Variants in PNPLA1 observed in about 807,000 individuals in gnomAD.
The protein encoded by PNPLA1 is patatin like domain 1, omega-hydroxyceramide transacylase, also known as omega-hydroxyceramide transacylase.
In PNPLA1, 36 loss-of-function variants were observed where a neutral mutation model predicts 51.7. That is an observed-to-expected ratio of 0.70 (90% confidence interval 0.53 to 0.92). PNPLA1 has a LOEUF of 0.92. Ranked by LOEUF, PNPLA1 falls within the 40% of genes least tolerant of loss-of-function variation. PNPLA1 has a pLI of 0.00. For missense variants in PNPLA1, 658 were observed against 682.5 expected (o/e 0.96, Z 0.40); for synonymous variants, 293 against 280.1 (o/e 1.05, Z -0.46).
intron 1 of PNPLA1, among the ~76,000 whole-genome samples, chr6:36,282,100 G>GAAAGAAAAA (rs1770317725): frequency 2.6e-5 from 1 of 39,016 alleles, no homozygotes; most frequent in Non-Finnish European, 5.4e-5. Flanking sequence ...AAGGAAGGAA[G>GAAAGAAAAA]GAAGGAAGGA....
chr6:36,291,592 C>CCCCGGGGGGGGGG, intron 2 of PNPLA1, 40 bp downstream of exon 2: 7 of 105,200 alleles, frequency 6.7e-5, no homozygotes, highest in East Asian at 2.3e-4. Flanking sequence ...ACGGAGGGGG[C>CCCCGGGGGGGGGG]GGGGGAGGGC....
chr6:36,300,460 CT>C (rs1561869952), intron 5 of PNPLA1, among the ~76,000 whole-genome samples: 1 of 152,242 alleles, frequency 6.6e-6, no homozygotes. Flanking sequence ...TCCCAAAGTG[CT>C]GGGATTACAG....
intron 5 of PNPLA1, among the ~76,000 whole-genome samples, chr6:36,297,196 C>T (rs1399740669): frequency 6.6e-5 from 10 of 152,202 alleles, no homozygotes; most frequent in Admixed American, 6.5e-4. Flanking sequence ...GATACAACTC[C>T]TAAAGGAGAA....
chr6:36,248,694 C>G (rs1226064822), intron 1 of PNPLA1, among the ~76,000 whole-genome samples: 2 of 152,032 alleles, frequency 1.3e-5, no homozygotes, highest in South Asian at 4.2e-4. Flanking sequence ...AATTTTTGTA[C>G]TTTTAGCAGA....
chr6:36,307,032 C>T (rs1771259173), intron 7 of PNPLA1, among the ~76,000 whole-genome samples: 1 of 152,192 alleles, frequency 6.6e-6, no homozygotes, highest in African/African-American at 2.4e-5. Context: ...GGGGGAGGCA[C>T]AGCAGGAGAT....
intron 1 of PNPLA1, among the ~76,000 whole-genome samples, chr6:36,280,150 A>G (rs997321958): frequency 6.6e-6 from 1 of 152,202 alleles, no homozygotes; most frequent in Non-Finnish European, 1.5e-5. Flanking sequence ...CGGTTGCAGT[A>G]AACCAATATT....
chr6:36,277,067 T>C (rs1008446957), intron 1 of PNPLA1, among the ~76,000 whole-genome samples: 1 of 152,086 alleles, frequency 6.6e-6, no homozygotes, highest in East Asian at 1.9e-4. Context: ...GTTGGACAGG[T>C]AGAGACAGGT....
chr6:36,307,545 G>A (rs41270096), intron 7 of PNPLA1, 42 bp from the exon 8 acceptor site: 24,792 of 1,604,446 alleles, frequency 0.015, 248 homozygotes, highest in Non-Finnish European at 0.018. Context: ...GAGGACCGAG[G>A]TCAGGCCCAT....
chr6:36,310,521 C>G (rs919022935), intron 8 of PNPLA1, among the ~76,000 whole-genome samples: 7 of 152,298 alleles, frequency 4.6e-5, no homozygotes, highest in East Asian at 1.9e-4. Flanking sequence ...ATAAAAGATC[C>G]TTTTCTTTGA....
rs759813381 is a variant in PNPLA1 at position 36,308,554 on chromosome 6, C to T, written c.1595+842C>T. The T allele has an allele frequency of 1.3e-5, 2 of 152,140 alleles. No homozygotes were observed. The highest frequency in any genetic ancestry group is 2.9e-5 in the Non-Finnish European group (2 of 68,026). The allele number at this position is 152,140 out of a possible 1,614,324, so 9.4% of individuals were successfully genotyped here. ...TTGAGCACCTACTAAGTGCCAAACA[C>T]TCTCCTGGACTCTGGCAAAATAAAA... On this transcript the variant is annotated intron_variant, in intron 8 of 8. Coordinates refer to ENST00000636260, the MANE Select transcript of PNPLA1 (RefSeq NM_001374623.1).
upstream of PNPLA1, among the ~76,000 whole-genome samples, chr6:36,269,479 T>A (rs1769844086): frequency 6.6e-6 from 1 of 152,160 alleles, no homozygotes; most frequent in African/African-American, 2.4e-5. Flanking sequence ...CAGCTGCTCC[T>A]CCTTGGGGTT....
intron 1 of PNPLA1, among the ~76,000 whole-genome samples, chr6:36,283,330 T>G (rs759288310): frequency 6.6e-5 from 10 of 152,374 alleles, no homozygotes; most frequent in Non-Finnish European, 1.3e-4. Context: ...TTTGCTTCAC[T>G]TTGGGCTCAA....
At chr6:36,299,492 G>A (rs1318713937) in intron 5 of PNPLA1, among the ~76,000 whole-genome samples, 3 of 151,788 alleles carry the variant, frequency 2.0e-5, no homozygotes, top group African/African-American at 7.3e-5. Context: ...CCGCTACCAC[G>A]CCCAGCTAAT....
intron 1 of PNPLA1, among the ~76,000 whole-genome samples, chr6:36,245,855 G>A (rs1019312297): frequency 1.3e-5 from 2 of 152,092 alleles, no homozygotes; most frequent in Non-Finnish European, 2.9e-5. Flanking sequence ...CTGACTCCCC[G>A]CACAGTTTCA....
intron 1 of PNPLA1, among the ~76,000 whole-genome samples, chr6:36,263,778 G>A (rs540048632): frequency 9.9e-5 from 15 of 152,262 alleles, no homozygotes; most frequent in Admixed American, 2.0e-4. Context: ...GGGCAGCGGC[G>A]CCTCTCATAT....
chr6:36,302,343 C>T lies in PNPLA1; in HGVS notation c.1258C>T (p.Pro420Ser), dbSNP rs746200190. The T allele has an allele frequency of 6.2e-7, 1 of 1,613,124 alleles. No homozygotes were observed. Among genetic ancestry groups the T allele is most frequent in the African/African-American group, 1.3e-5 (1 of 75,048 alleles). The change falls in exon 6 of 9, where the codon CCC (proline) becomes TCC (serine). Residue 420 changes from proline to serine, a missense_variant. By Grantham distance (74) the Pro-to-Ser change is moderately conservative. Coordinates refer to ENST00000636260, the MANE Select transcript of PNPLA1 (RefSeq NM_001374623.1). The stretch of plus-strand genomic sequence containing the variant: ...AGCCAGATCCCTACACTCTCAGGCA[C>T]CCACTTCACCCAGGCCATCCCTGGG... ...SPARSLHSQA[P>S]TSPRPSLGPS...
At chr6:36,293,167 G>A (rs1234265210) in intron 3 of PNPLA1, 41 bp downstream of exon 3, 34 of 1,589,862 alleles carry the variant, frequency 2.1e-5, no homozygotes, top group Non-Finnish European at 2.9e-5. Context: ...TGGGATCCAA[G>A]GGACCTCGGG....
At position 36,273,877 on chromosome 6, in the gene PNPLA1, G is replaced by A. The variant is rs186605981; in HGVS notation, c.205+3213G>A. 1.4e-4 allele frequency among the ~76,000 whole-genome samples: 22 copies of A among 152,204 alleles called. No homozygotes were observed. In the East Asian group the frequency reaches 3.5e-3, roughly 24 times the overall value. On this transcript the variant is annotated intron_variant, in intron 1 of 8. Coordinates refer to ENST00000636260, the MANE Select transcript of PNPLA1 (RefSeq NM_001374623.1). Reference sequence around the variant, plus strand: ...ACGGCAGTGGTAGGAACTAAAACCTGTAAAAAGGACATCAAGCAGTGGGGT... The same window carrying A: ...ACGGCAGTGGTAGGAACTAAAACCTATAAAAAGGACATCAAGCAGTGGGGT...
At chr6:36,262,887 A>C (rs6903663) in intron 1 of PNPLA1, among the ~76,000 whole-genome samples, 63,936 of 152,124 alleles carry the variant, frequency 0.42, 14,080 homozygotes, top group South Asian at 0.59. Flanking sequence ...ATTTCTGGAT[A>C]TTTGCTATTA....
Sources: gnomAD v4.1 joint callset for allele counts (sites outside exome capture counted in the v4.1 genomes callset) on GRCh38, gnomAD v4.1.1 for gene constraint, MANE v1.5 for transcripts, NCBI Gene and HGNC (gene_info 2026-07-23, HGNC 2026-07-21) for gene names.